CTNND2: variants seen among roughly 807,000 people sequenced by gnomAD.
CTNND2 encodes the protein catenin delta-2.
In CTNND2, 22 loss-of-function variants were observed where a neutral mutation model predicts 144.4. The ratio of observed to expected loss-of-function variants is 0.15; its 90% CI spans 0.11 to 0.22. CTNND2 has a LOEUF of 0.22. CTNND2 is among the 10% of genes least tolerant of loss of function. The pLI is 1.00. For missense variants in CTNND2, 1,353 were observed against 1,618.8 expected, an observed-to-expected ratio of 0.84 and a Z score of 2.82; for synonymous variants, 751 against 695.6, an observed-to-expected ratio of 1.08 and a Z score of -1.25.
rs1561669057 is a variant in CTNND2, at chr5:11,662,190, T to TATATGTGTATATATGCATATATGTGTAC, written c.174+69945_174+69946insGTACACATATATGCATATATACACATAT. Among the ~76,000 whole-genome samples the TATATGTGTATATATGCATATATGTGTAC allele has an allele frequency of 8.5e-4, 118 of 139,348 alleles. 1 individual carries two copies. The highest frequency in any genetic ancestry group is 3.1e-3 in the African/African-American group (111 of 36,236). 91.4% of individuals were successfully genotyped at this position (139,348 alleles called of 152,430 possible). On this transcript the variant is annotated intron_variant, in intron 2 of 21. Transcript: ENST00000304623. Reference sequence around the variant, plus strand: ...ATGTGTATATATACATATATGTGTATATATGTGTATATATGTATATATATA... The same window carrying TATATGTGTATATATGCATATATGTGTAC: ...ATGTGTATATATACATATATGTGTATATATGTGTATATATGCATATATGTGTACATATGTGTATATATGTATATATATA...
At chr5:11,042,369 A>G (rs563961793) in intron 16 of CTNND2, among the ~76,000 whole-genome samples, 50 of 152,360 alleles carry the variant, frequency 3.3e-4, no homozygotes, top group African/African-American at 1.2e-3. Flanking sequence ...TCCTAAATGC[A>G]TCTGTCTTGT....
At chr5:11,885,974 CA>C (rs1736498691) in intron 1 of CTNND2, among the ~76,000 whole-genome samples, 1 of 151,714 alleles carries the variant, frequency 6.6e-6, no homozygotes. Flanking sequence ...TTTATTGAAA[CA>C]AATAAAAATG....
At chr5:11,181,150 A>G (rs1403490517) in intron 11 of CTNND2, among the ~76,000 whole-genome samples, 1 of 152,070 alleles carries the variant, frequency 6.6e-6, no homozygotes, top group African/African-American at 2.4e-5. Context: ...GGGTGGACCC[A>G]ATGACTGGAG....
intron 1 of CTNND2, among the ~76,000 whole-genome samples, chr5:11,756,854 C>T (rs1030834833): frequency 6.0e-5 from 9 of 151,256 alleles, no homozygotes; most frequent in Non-Finnish European, 1.3e-4. Flanking sequence ...GTTTTCATTG[C>T]ATTGCTTTTA....
At chr5:10,984,760 T>C (rs1737726555) in intron 20 of CTNND2, among the ~76,000 whole-genome samples, 1 of 152,164 alleles carries the variant, frequency 6.6e-6, no homozygotes, top group Non-Finnish European at 1.5e-5. Flanking sequence ...ATCAACACAT[T>C]GAAGACTAGA....
chr5:11,001,739 T>C (rs1561152836), intron 18 of CTNND2, among the ~76,000 whole-genome samples: 1 of 152,180 alleles, frequency 6.6e-6, no homozygotes, highest in East Asian at 1.9e-4. Context: ...GTGCTAAAGG[T>C]AGTGTTAGCT....
At chr5:11,382,126 A>G (rs1453675359) in intron 7 of CTNND2, among the ~76,000 whole-genome samples, 2 of 152,178 alleles carry the variant, frequency 1.3e-5, no homozygotes, top group Non-Finnish European at 2.9e-5. Context: ...AATCTAAAAT[A>G]AAAGTTGGAA....
In CTNND2 at chr5:11,751,762, T is replaced by C. The variant is rs1207650420; in HGVS notation, c.38-19490A>G. 3.0e-4 allele frequency among the ~76,000 whole-genome samples: 46 copies of C among 151,920 alleles called. 2 individuals carry two copies. Among genetic ancestry groups the C allele is most frequent in the Non-Finnish European group, 5.9e-5 (4 of 67,882 alleles). On this transcript the variant is annotated intron_variant, in intron 1 of 21. Coordinates refer to ENST00000304623, the MANE Select transcript of CTNND2 (RefSeq NM_001332.4). ...GGATTGCTGGGTTGAATGACACTTC[T>C]GCTTTAACTTCTTTGGGAAATCGCC...
intron 3 of CTNND2, among the ~76,000 whole-genome samples, chr5:11,463,052 TC>T (rs1766359661): frequency 6.6e-6 from 1 of 152,202 alleles, no homozygotes; most frequent in African/African-American, 2.4e-5. Context: ...ATCACACAAG[TC>T]CAACATAATA....
intron 3 of CTNND2, among the ~76,000 whole-genome samples, chr5:11,476,170 C>T (rs928000065): frequency 6.6e-6 from 1 of 151,928 alleles, no homozygotes; most frequent in Non-Finnish European, 1.5e-5. Context: ...TGCACCCAGC[C>T]GGGACTAATT....
intron 2 of CTNND2, 66 bp downstream of exon 2, chr5:11,732,070 T>C: frequency 1.3e-6 from 2 of 1,510,682 alleles, no homozygotes; most frequent in Non-Finnish European, 1.8e-6. Context: ...ATCTTTAACG[T>C]TCATCTAGAA....
chr5:11,364,985 T>A, intron 7 of CTNND2, 95 bp from the exon 8 acceptor site: 1 of 1,061,186 alleles, frequency 9.4e-7, no homozygotes, highest in African/African-American at 1.6e-5. Flanking sequence ...TGGACAAAAT[T>A]GTTGAAATTC....
At chr5:11,567,229 C>T (rs1282013666) in intron 2 of CTNND2, among the ~76,000 whole-genome samples, 2 of 152,024 alleles carry the variant, frequency 1.3e-5, no homozygotes, top group African/African-American at 2.4e-5. Flanking sequence ...ACGATCTCTG[C>T]TCAGTATATA....
chr5:11,241,766 G>T (rs1742477790), intron 9 of CTNND2, among the ~76,000 whole-genome samples: 1 of 152,186 alleles, frequency 6.6e-6, no homozygotes, highest in Non-Finnish European at 1.5e-5. Context: ...GCAGAAAATA[G>T]TCTGTCTGGA....
intron 5 of CTNND2, among the ~76,000 whole-genome samples, chr5:11,399,635 T>C (rs939759149): frequency 6.6e-6 from 1 of 152,240 alleles, no homozygotes; most frequent in Non-Finnish European, 1.5e-5. Flanking sequence ...TATGATAGAA[T>C]AATGAAATCT....
intron 3 of CTNND2, among the ~76,000 whole-genome samples, chr5:11,560,574 C>T (rs572019319): frequency 1.6e-4 from 24 of 152,310 alleles, no homozygotes; most frequent in African/African-American, 4.6e-4. Flanking sequence ...TGGTAGGGCA[C>T]TTATGGTAAA....
chr5:11,418,255 A>C (rs1336015001), intron 3 of CTNND2, among the ~76,000 whole-genome samples: 3 of 151,922 alleles, frequency 2.0e-5, no homozygotes, highest in African/African-American at 7.3e-5. Flanking sequence ...AAAAATACAA[A>C]AGTAGCTGGG....
intron 14 of CTNND2, among the ~76,000 whole-genome samples, chr5:11,109,273 C>T (rs1361561023): frequency 6.6e-6 from 1 of 152,148 alleles, no homozygotes; most frequent in Non-Finnish European, 1.5e-5. Flanking sequence ...ACTAGAATGG[C>T]CTAGAAGTCT....
At chr5:11,164,768 T>A (rs554691147) in intron 11 of CTNND2, among the ~76,000 whole-genome samples, 1 of 152,312 alleles carries the variant, frequency 6.6e-6, no homozygotes, top group Non-Finnish European at 1.5e-5. Context: ...ATCAGTCTAG[T>A]CTACCTTCCC....
Sources: gnomAD v4.1 joint callset for allele counts (sites outside exome capture counted in the v4.1 genomes callset) on GRCh38, gnomAD v4.1.1 for gene constraint, MANE v1.5 for transcripts, NCBI Gene and HGNC (gene_info 2026-07-23, HGNC 2026-07-21) for gene names.